NDRG4: variants seen among roughly 807,000 people sequenced by gnomAD.
NDRG4 encodes protein NDRG4.
NDRG4 carries 38 observed loss-of-function variants against 55.8 expected under a neutral mutation model. That is an observed-to-expected ratio of 0.68 (90% confidence interval 0.53 to 0.89). The LOEUF (loss-of-function observed/expected upper bound fraction) is 0.89, where lower values mean the gene tolerates loss of function less well. Ranked by LOEUF, NDRG4 falls within the 40% of genes least tolerant of loss-of-function variation. NDRG4 has a pLI of 0.00. For missense variants in NDRG4, 455 were observed against 468.6 expected (o/e 0.97, Z 0.27); for synonymous variants, 190 against 182.7 (o/e 1.04, Z -0.32).
At position 58,464,810 on chromosome 16, in the gene NDRG4, G is replaced by C; in HGVS notation, c.-24+1013G>C. ...CTTGTCCCCTAAGAAAGGACCCGTG[G>C]GCTTCTGGCAGGACCCGCGCCATGG... On this transcript the variant is annotated intron_variant, in intron 1 of 15. Transcript: ENST00000258187. This position sits in a 1 kb window ranked among gnomAD's most constrained non-coding sequence, Gnocchi z 4.8. 2 of 1,262,916 alleles carry C rather than the reference G, an allele frequency of 1.6e-6. No individual in the cohort carries two copies. Among genetic ancestry groups the C allele is most frequent in the South Asian group, 4.0e-5 (2 of 49,670 alleles). 78.2% of individuals were successfully genotyped at this position (1,262,916 alleles called of 1,614,324 possible). A position where few individuals can be genotyped will look rare whatever the true frequency, so the allele number is the denominator to read the frequency against.
chr16:58,464,520 T>C lies in NDRG4; in HGVS notation c.-24+723T>C. 4 of 1,292,082 alleles carry C rather than the reference T, an allele frequency of 3.1e-6. No individual in the cohort carries two copies. Among genetic ancestry groups the C allele is most frequent in the Middle Eastern group, 2.4e-4 (1 of 4,134 alleles). 80.0% of individuals were successfully genotyped at this position (1,292,082 alleles called of 1,614,324 possible). A position where few individuals can be genotyped will look rare whatever the true frequency, so the allele number is the denominator to read the frequency against. Reference sequence around the variant, plus strand: ...CGCCACTTTCCGAGTTGGAGCGGACTCCGGGCGCGGCGGCCGGGGACTGGG... The same window carrying C: ...CGCCACTTTCCGAGTTGGAGCGGACCCCGGGCGCGGCGGCCGGGGACTGGG... On this transcript the variant is annotated intron_variant, in intron 1 of 15. Coordinates refer to the NDRG4 transcript ENST00000258187. This position sits in a 1 kb window ranked among gnomAD's most constrained non-coding sequence, Gnocchi z 4.8.
chr16:58,468,267 G>A (rs569147433), intron 1 of NDRG4, among the ~76,000 whole-genome samples: 21 of 152,326 alleles, frequency 1.4e-4, no homozygotes, highest in East Asian at 5.8e-4. Context: ...ATTTCCAGGC[G>A]CCTCAGCGGG....
At chr16:58,479,011 T>C (rs2034082693) in intron 1 of NDRG4, among the ~76,000 whole-genome samples, 1 of 152,132 alleles carries the variant, frequency 6.6e-6, no homozygotes. Context: ...TCAATGCATA[T>C]AATTTTTACA....
At chr16:58,505,174 C>G (rs1372044574) in intron 5 of NDRG4, among the ~76,000 whole-genome samples, 3 of 151,956 alleles carry the variant, frequency 2.0e-5, no homozygotes, top group Non-Finnish European at 4.4e-5. Context: ...ACGGTGAAAC[C>G]CAGTCTCTAC....
chr16:58,504,090 G>T (rs895348715), intron 2 of NDRG4, 64 bp from the exon 3 acceptor site: 10 of 1,605,130 alleles, frequency 6.2e-6, no homozygotes, highest in Non-Finnish European at 7.7e-6. Flanking sequence ...CCCTCTGGGG[G>T]CCCGGCCTTC....
chr16:58,487,805 C>G (rs1454478285), exon 2 of NDRG4: 8 of 1,544,012 alleles, frequency 5.2e-6, no homozygotes, highest in South Asian at 4.8e-5. Context: ...AGCTGCGATT[C>G]CCTGAGGAGA....
At chr16:58,465,709 G>A (rs1426770810) in intron 1 of NDRG4, among the ~76,000 whole-genome samples, 1 of 152,058 alleles carries the variant, frequency 6.6e-6, no homozygotes, top group Non-Finnish European at 1.5e-5. Flanking sequence ...GACCAGCCTG[G>A]GTAACATAGC....
intron 1 of NDRG4, chr16:58,500,758 G>A (rs1408456414): frequency 1.7e-5 from 7 of 414,464 alleles, no homozygotes; most frequent in Non-Finnish European, 3.0e-5. Flanking sequence ...GTGCGTGCAG[G>A]GGCTGCCGTC....
At chr16:58,493,710 G>A (rs1388328136) in intron 2 of NDRG4, among the ~76,000 whole-genome samples, 2 of 152,242 alleles carry the variant, frequency 1.3e-5, no homozygotes, top group Non-Finnish European at 2.9e-5. Context: ...AGCTGCCCGG[G>A]AGTTCACAGC....
chr16:58,489,206 G>A (rs965036161), intron 2 of NDRG4, among the ~76,000 whole-genome samples: 1 of 151,956 alleles, frequency 6.6e-6, no homozygotes, highest in Non-Finnish European at 1.5e-5. Flanking sequence ...AGGCAGAATC[G>A]CTTGAACCCG....
At chr16:58,501,032 G>C in intron 1 of NDRG4, 1 of 1,244,638 alleles carries the variant, frequency 8.0e-7, no homozygotes, top group Non-Finnish European at 1.0e-6. Context: ...CAGGGCTAGG[G>C]GACCCCAGGT....
At chr16:58,467,263 T>C (rs951553809) in intron 1 of NDRG4, among the ~76,000 whole-genome samples, 1 of 152,206 alleles carries the variant, frequency 6.6e-6, no homozygotes, top group African/African-American at 2.4e-5. Flanking sequence ...ATTCCAGCAC[T>C]TTGGGAGGCC....
intron 2 of NDRG4, among the ~76,000 whole-genome samples, chr16:58,490,159 G>A (rs75525111): frequency 0.019 from 2,928 of 152,288 alleles, 85 homozygotes; most frequent in African/African-American, 0.068. Flanking sequence ...TGTCTTTTGA[G>A]GCATGAAAGC....
chr16:58,506,037 A>G (rs1411839042), intron 5 of NDRG4: 1 of 395,150 alleles, frequency 2.5e-6, no homozygotes, highest in Non-Finnish European at 4.7e-6. Context: ...TTCATTCTCT[A>G]TAAAAGCAAA....
Position 58,464,337 on chromosome 16 carries a change from C to T in NDRG4, c.-24+540C>T, listed in dbSNP as rs1164039091. ...CGCTTCGCTCCGCGCTCTCCTGCCG[C>T]TCCGCTCCGGGTCTCCCGCGCTCCT... On this transcript the variant is annotated intron_variant, in intron 1 of 15. Coordinates refer to the NDRG4 transcript ENST00000258187. The surrounding 1 kb of genome is among the most constrained non-coding windows in gnomAD (Gnocchi z 4.8). 3.4e-6 allele frequency: 4 copies of T among 1,169,446 alleles called. No homozygotes were observed. The East Asian group carries it at 9.6e-5, about 28-fold the overall frequency. 72.4% of individuals were successfully genotyped at this position (1,169,446 alleles called of 1,614,324 possible).
chr16:58,463,971 G>T (rs1331899616), intron 1 of NDRG4: 1 of 151,466 alleles, frequency 6.6e-6, no homozygotes, highest in Non-Finnish European at 1.5e-5. Context: ...TCGCCTCCGC[G>T]GGGGCGGCGC....
chr16:58,476,008 G>C (rs2033571745), intron 1 of NDRG4, among the ~76,000 whole-genome samples: 1 of 152,094 alleles, frequency 6.6e-6, no homozygotes, highest in South Asian at 2.1e-4. Context: ...TGTTGGCCAG[G>C]CTGGTCTTGA....
intron 14 of NDRG4, 117 bp downstream of exon 14, chr16:58,510,800 G>A: frequency 3.1e-6 from 3 of 967,030 alleles, no homozygotes; most frequent in Non-Finnish European, 3.2e-6. Context: ...GAACCTTCTT[G>A]TGTCCTGTTC....
In NDRG4 at chr16:58,489,785, G is replaced by GC. The variant is rs968489181; in HGVS notation, c.72+1941dup. On this transcript the variant is annotated intron_variant, in intron 2 of 15. Transcript: ENST00000258187. ...AGTTTCTCAGAACTTTCTAAAAAGT[G>GC]CCCCCCTACTCCCCACTCCTGCCTG... 5.3e-5 allele frequency among the ~76,000 whole-genome samples: 8 copies of GC among 152,044 alleles called. No homozygotes were observed. The South Asian group carries it at 1.5e-3, about 28-fold the overall frequency.
Sources: gnomAD v4.1 joint callset for allele counts (sites outside exome capture counted in the v4.1 genomes callset) on GRCh38, gnomAD v4.1.1 for gene constraint, Gnocchi (gnomAD v3.1) non-coding constraint, MANE v1.5 for transcripts, NCBI Gene and HGNC (gene_info 2026-07-23, HGNC 2026-07-21) for gene names.